The following CACNA2D1 variants were observed in gnomAD, a reference collection of about 807,000 sequenced individuals.
The protein encoded by CACNA2D1 is calcium voltage-gated channel auxiliary subunit alpha2delta 1, also known as voltage-dependent calcium channel subunit alpha-2/delta-1.
In CACNA2D1, 53 loss-of-function variants were observed where a neutral mutation model predicts 171.5. The observed-to-expected ratio is 0.31, with a 90% CI of 0.25 to 0.39. The LOEUF is 0.39. Ranked by LOEUF, CACNA2D1 falls within the 10% of genes least tolerant of loss-of-function variation. The probability of loss-of-function intolerance (pLI) is 1.00; values close to 1 mark genes in which losing one functional copy is unlikely to be tolerated. For synonymous variants in CACNA2D1, 442 were observed against 443.1 expected, an observed-to-expected ratio of 1.00 and a Z score of 0.03; for missense variants, 903 against 1,299.8, an observed-to-expected ratio of 0.69 and a Z score of 4.69.
chr7:82,250,483 C>T (rs1805502907), intron 3 of CACNA2D1, among the ~76,000 whole-genome samples: 1 of 152,090 alleles, frequency 6.6e-6, no homozygotes, highest in South Asian at 2.1e-4. Context: ...TTAACTTCAT[C>T]ACATAAGTAG....
rs551521267 is a variant in CACNA2D1, at chr7:81,975,563, G to A, written c.1956-1011C>T. The stretch of plus-strand genomic sequence containing the variant: ...ACTTGTTTATTTGTAATTCATTGAT[G>A]GGTAGTTGTAACATGGAATCTGAAA... On this transcript the variant is annotated intron_variant, in intron 24 of 38. Transcript: ENST00000356860. Among the ~76,000 whole-genome samples, 12 of 152,082 alleles carry A rather than the reference G, an allele frequency of 7.9e-5. No homozygotes were observed. The East Asian group carries it at 2.3e-3, about 29-fold the overall frequency.
chr7:82,050,765 A>G (rs1179212903), intron 10 of CACNA2D1: 1 of 640,722 alleles, frequency 1.6e-6, no homozygotes, highest in Non-Finnish European at 2.8e-6. Flanking sequence ...TCATCATCAT[A>G]ATACATGATT....
intron 1 of CACNA2D1, 27 bp downstream of exon 1, chr7:82,443,338 C>A (rs777098921): frequency 6.3e-7 from 1 of 1,587,554 alleles, no homozygotes; most frequent in Admixed American, 1.7e-5. Context: ...CCTCGGCCGG[C>A]GCTCCCTGCC....
chr7:82,427,078 A>T (rs887472470), intron 1 of CACNA2D1, among the ~76,000 whole-genome samples: 2 of 152,242 alleles, frequency 1.3e-5, no homozygotes, highest in African/African-American at 4.8e-5. Context: ...AGTTTCAGGC[A>T]TCCACTGGGG....
chr7:82,136,290 G>A (rs894418101), intron 5 of CACNA2D1, among the ~76,000 whole-genome samples: 6 of 152,048 alleles, frequency 3.9e-5, no homozygotes, highest in African/African-American at 1.4e-4. Flanking sequence ...TGGTGACCCT[G>A]GTGACAGGAG....
chr7:82,373,817 T>C (rs1822697209), intron 1 of CACNA2D1, among the ~76,000 whole-genome samples: 1 of 152,236 alleles, frequency 6.6e-6, no homozygotes, highest in Admixed American at 6.5e-5. Flanking sequence ...TGCATTAGTG[T>C]ATCTCCAAAT....
chr7:82,357,770 G>A (rs1210605351), intron 1 of CACNA2D1, among the ~76,000 whole-genome samples: 2 of 150,836 alleles, frequency 1.3e-5, no homozygotes, highest in African/African-American at 4.9e-5. Context: ...TAAATGACCA[G>A]TTAATGGGTG....
Position 82,012,009 on chromosome 7 carries a change from A to G in CACNA2D1, c.1362+145T>C, listed in dbSNP as rs148556458. On this transcript the variant is annotated intron_variant, in intron 15 of 38. Transcript: ENST00000356860. ...GTCTATGTTTTTATGTAAATTATAT[A>G]AATTCTAGGAAAGAAGTCTGTGATA... is the stretch of plus-strand genomic sequence containing the variant. 1,028 of 667,456 alleles carry G rather than the reference A, an allele frequency of 1.5e-3. 9 individuals carry two copies. The African/African-American group carries it at 0.016, about 11-fold the overall frequency. 41.3% of individuals were successfully genotyped at this position (667,456 alleles called of 1,614,324 possible). A position where few individuals can be genotyped will look rare whatever the true frequency, so the allele number is the denominator to read the frequency against.
At chr7:82,104,161 T>C (rs1418996620) in intron 6 of CACNA2D1, among the ~76,000 whole-genome samples, 2 of 152,056 alleles carry the variant, frequency 1.3e-5, no homozygotes, top group Non-Finnish European at 2.9e-5. Context: ...TAATTAATTG[T>C]ATAATTCATC....
intron 2 of CACNA2D1, among the ~76,000 whole-genome samples, chr7:82,347,330 G>A (rs1819363777): frequency 6.6e-6 from 1 of 152,062 alleles, no homozygotes; most frequent in Admixed American, 6.6e-5. Context: ...CCAGGCCGCA[G>A]TGCAGTGGCA....
At chr7:82,160,599 G>C (rs1299626859) in intron 4 of CACNA2D1, among the ~76,000 whole-genome samples, 2 of 152,002 alleles carry the variant, frequency 1.3e-5, no homozygotes, top group Non-Finnish European at 2.9e-5. Context: ...CTCCCAAGTA[G>C]CTGGGACTAC....
intron 1 of CACNA2D1, among the ~76,000 whole-genome samples, chr7:82,382,462 C>G (rs1279064992): frequency 6.6e-6 from 1 of 152,208 alleles, no homozygotes; most frequent in African/African-American, 2.4e-5. Context: ...CCATTCACTT[C>G]TGACCTGCAC....
At chr7:82,173,826 T>C (rs879395663) in intron 3 of CACNA2D1, among the ~76,000 whole-genome samples, 9 of 151,838 alleles carry the variant, frequency 5.9e-5, no homozygotes, top group Non-Finnish European at 1.0e-4. Context: ...GGAAAATCTC[T>C]TGAGGCCAGG....
At chr7:82,349,906 G>C (rs1280164833) in intron 1 of CACNA2D1, among the ~76,000 whole-genome samples, 2 of 152,136 alleles carry the variant, frequency 1.3e-5, no homozygotes, top group Non-Finnish European at 2.9e-5. Context: ...CTTGTCCAAG[G>C]AGAGTAAACA....
chr7:82,144,294 T>C (rs1036396582), intron 4 of CACNA2D1, among the ~76,000 whole-genome samples: 3 of 152,134 alleles, frequency 2.0e-5, no homozygotes, highest in Non-Finnish European at 4.4e-5. Flanking sequence ...TTTCTATTAC[T>C]AATAGTATTA....
intron 3 of CACNA2D1, among the ~76,000 whole-genome samples, chr7:82,265,531 C>T (rs1199750836): frequency 1.4e-5 from 2 of 147,910 alleles, no homozygotes. Flanking sequence ...ACAATAGGTC[C>T]TTTTGGTTTA....
intron 3 of CACNA2D1, among the ~76,000 whole-genome samples, chr7:82,271,954 A>G (rs770523584): frequency 6.6e-6 from 1 of 152,156 alleles, no homozygotes; most frequent in Non-Finnish European, 1.5e-5. Flanking sequence ...CAACTTTTTC[A>G]AAATAAACAA....
intron 3 of CACNA2D1, among the ~76,000 whole-genome samples, chr7:82,186,080 C>G (rs1010465522): frequency 6.6e-6 from 1 of 151,426 alleles, no homozygotes; most frequent in African/African-American, 2.4e-5. Flanking sequence ...TGCTTGAACC[C>G]GGGAGGTGGA....
At chr7:82,117,784 T>TAAAC (rs1049898813) in intron 5 of CACNA2D1, among the ~76,000 whole-genome samples, 3 of 150,306 alleles carry the variant, frequency 2.0e-5, no homozygotes, top group African/African-American at 7.4e-5. Flanking sequence ...CTGCCTCAAA[T>TAAAC]AAATAAACAA....
Sources: allele counts gnomAD v4.1 joint callset (sites outside exome capture counted in the v4.1 genomes callset), GRCh38; gene constraint gnomAD v4.1.1; transcripts MANE v1.5; gene names NCBI Gene and HGNC (gene_info 2026-07-23, HGNC 2026-07-21).